SACM1L: variants seen among roughly 807,000 people sequenced by gnomAD.
The protein encoded by SACM1L is SAC1 like phosphatidylinositide phosphatase, also known as phosphatidylinositol-3-phosphatase SAC1.
A neutral mutation model predicts 89.5 loss-of-function variants in SACM1L; 32 were observed. That is an observed-to-expected ratio of 0.36 (90% confidence interval 0.27 to 0.48). The LOEUF is 0.48. SACM1L is among the 20% of genes least tolerant of loss of function. SACM1L has a pLI of 0.99. For missense variants in SACM1L, 543 were observed against 708.5 expected, an observed-to-expected ratio of 0.77 and a Z score of 2.65; for synonymous variants, 213 against 232.8, an observed-to-expected ratio of 0.92 and a Z score of 0.77.
At chr3:45,710,733 A>G (rs1249801325) in intron 5 of SACM1L, among the ~76,000 whole-genome samples, 2 of 152,078 alleles carry the variant, frequency 1.3e-5, no homozygotes, top group Non-Finnish European at 2.9e-5. Flanking sequence ...GACCAATAAA[A>G]ATGGTTATTT....
At chr3:45,691,746 C>T (rs1697997205) in intron 1 of SACM1L, among the ~76,000 whole-genome samples, 1 of 152,098 alleles carries the variant, frequency 6.6e-6, no homozygotes, top group Non-Finnish European at 1.5e-5. Flanking sequence ...TCTCGAGGAG[C>T]TAGGACTACA....
chr3:45,699,654 G>A (rs910012568), intron 1 of SACM1L, among the ~76,000 whole-genome samples: 5 of 151,750 alleles, frequency 3.3e-5, no homozygotes, highest in African/African-American at 9.7e-5. Flanking sequence ...TAGCCTTAGC[G>A]GGGATTACAG....
intron 1 of SACM1L, among the ~76,000 whole-genome samples, chr3:45,695,818 A>G (rs1048702589): frequency 3.3e-5 from 5 of 151,184 alleles, no homozygotes; most frequent in African/African-American, 1.2e-4. Flanking sequence ...CCATTAAACA[A>G]CTCCCCATTT....
chr3:45,705,136 C>A lies in SACM1L; in HGVS notation c.132C>A (p.Val44=). 1 of 1,593,924 alleles carries A rather than the reference C, an allele frequency of 6.3e-7. No individual in the cohort carries two copies. Among genetic ancestry groups the A allele is most frequent in the Non-Finnish European group, 8.6e-7 (1 of 1,166,430 alleles). The change falls in exon 3 of 20, where the codon GTC becomes GTA. Residue 44 remains valine (V), a splice_region_variant and synonymous_variant. Transcript: ENST00000389061. The stretch of plus-strand genomic sequence containing the variant: ...TTCTTTCTTTCCTTTCTTTTAAAGT[C>A]AAGAAAGATGTTCCTCCTTCAGCTG... ...DRVSTEVTLA[V]KKDVPPSAVT...
chr3:45,732,017 C>T (rs1553655291), intron 12 of SACM1L, 36 bp from the exon 13 acceptor site: 2 of 1,235,198 alleles, frequency 1.6e-6, no homozygotes, highest in Non-Finnish European at 2.3e-6. Flanking sequence ...AATGAATGAT[C>T]TCTGGTCGGT....
intron 1 of SACM1L, among the ~76,000 whole-genome samples, chr3:45,702,787 C>T (rs969164486): frequency 6.6e-6 from 1 of 151,972 alleles, no homozygotes; most frequent in Non-Finnish European, 1.5e-5. Context: ...CTCTCTCAAC[C>T]GTGTTTCTAC....
intron 3 of SACM1L, among the ~76,000 whole-genome samples, chr3:45,705,530 T>C (rs1698371178): frequency 1.3e-5 from 2 of 149,160 alleles, no homozygotes; most frequent in Admixed American, 6.7e-5. Flanking sequence ...GAGTTGGAGT[T>C]TTATTCTTGT....
In SACM1L at chr3:45,743,968, T is replaced by G. The variant is rs1699372024; in HGVS notation, c.*299T>G. 1 of 226,040 alleles carries G rather than the reference T, an allele frequency of 4.4e-6. No individual in the cohort carries two copies. Among genetic ancestry groups the G allele is most frequent in the Admixed American group, 5.4e-5 (1 of 18,512 alleles). 14.0% of individuals were successfully genotyped at this position (226,040 alleles called of 1,614,324 possible). ...CATTGTATTCTATTGATTGTCAATTTAATTAGCTGTTGCAGAATAAGTAAT... is the reference window on the plus strand; with the variant it reads ...CATTGTATTCTATTGATTGTCAATTGAATTAGCTGTTGCAGAATAAGTAAT... On this transcript the variant is annotated 3_prime_UTR_variant, in exon 20 of 20. Transcript: ENST00000389061.
chr3:45,713,413 A>G (rs1424169469), intron 6 of SACM1L: 1 of 375,420 alleles, frequency 2.7e-6, no homozygotes, highest in Non-Finnish European at 4.7e-6. Context: ...AGCCTTAAAT[A>G]AAAATACATT....
chr3:45,729,276 A>G (rs1186082610), intron 11 of SACM1L, among the ~76,000 whole-genome samples: 12 of 11,506 alleles, frequency 1.0e-3, no homozygotes, highest in Non-Finnish European at 3.4e-4. Context: ...TGGCAGAGAC[A>G]GGGTTTTCAT....
chr3:45,738,406 T>C (rs1201913417), intron 16 of SACM1L, among the ~76,000 whole-genome samples, 172 bp from the exon 17 acceptor site: 1 of 152,210 alleles, frequency 6.6e-6, no homozygotes, highest in Non-Finnish European at 1.5e-5. Context: ...AGAAAGAAAA[T>C]AGGTATTTCT....
At chr3:45,738,523 A>T in intron 16 of SACM1L, 55 bp from the exon 17 acceptor site, 2 of 1,023,676 alleles carry the variant, frequency 2.0e-6, no homozygotes, top group Non-Finnish European at 1.5e-6. Flanking sequence ...GCCATAAAAC[A>T]GTGTGAGAAT....
In SACM1L at chr3:45,740,661, C is replaced by G. The variant is rs1351724074; in HGVS notation, c.1627+1017C>G. ...GGAGAAAATATTATTTATCATCATA[C>G]CTTTGAGAGAGAAGCTAACCACTCT... is the stretch of plus-strand genomic sequence containing the variant. On this transcript the variant is annotated intron_variant, in intron 19 of 19. Transcript: ENST00000389061. Among the ~76,000 whole-genome samples, 2 of 152,126 alleles carry G rather than the reference C, an allele frequency of 1.3e-5. 1 individual carries two copies. The highest frequency in any genetic ancestry group is 1.3e-4 in the Admixed American group (2 of 15,280).
rs1699049318 is a variant in SACM1L at position 45,731,353 on chromosome 3, T to C, written c.974T>C (p.Val325Ala). 4 of 1,613,286 alleles carry C rather than the reference T, an allele frequency of 2.5e-6. No individual in the cohort carries two copies. The highest frequency in any genetic ancestry group is 3.3e-5 in the Admixed American group (2 of 59,930). Residue 325 changes from valine to alanine, a missense_variant, in exon 12 of 20, where the codon GTG becomes GCG. By Grantham distance (64) the Val-to-Ala change is moderately conservative. Coordinates refer to ENST00000389061, the MANE Select transcript of SACM1L (RefSeq NM_014016.5). ...CTTGAGCAGACATTTGCAACAATGG[T>C]GTCTTCCTTGGGAAGTGGAATGATG... ...KPLEQTFATM[V>A]SSLGSGMMRY...
chr3:45,709,114 C>G (rs1385362265), intron 4 of SACM1L, among the ~76,000 whole-genome samples: 1 of 152,170 alleles, frequency 6.6e-6, no homozygotes, highest in African/African-American at 2.4e-5. Flanking sequence ...TCGAAGATAG[C>G]TATGCTAACT....
intron 11 of SACM1L, among the ~76,000 whole-genome samples, chr3:45,726,878 T>TC (rs1698932541): frequency 5.4e-5 from 1 of 18,650 alleles, no homozygotes; most frequent in Admixed American, 4.3e-4. Flanking sequence ...TCTTTTTTTT[T>TC]TTTTTTTTTT....
Position 45,706,954 on chromosome 3 carries a change from A to G in SACM1L, c.333+47A>G, listed in dbSNP as rs766339993. Reference sequence around the variant, plus strand: ...TAATTGCAGCGCCCAAAGAAGTAGCATGGGCTGGGGAGAGGAGGGTGAGGG... The same window carrying G: ...TAATTGCAGCGCCCAAAGAAGTAGCGTGGGCTGGGGAGAGGAGGGTGAGGG... On this transcript the variant is annotated intron_variant, in intron 4 of 19. Coordinates refer to ENST00000389061, the MANE Select transcript of SACM1L (RefSeq NM_014016.5). The G allele has an allele frequency of 3.8e-6, 6 of 1,590,792 alleles. No homozygotes were observed. In the South Asian group the frequency reaches 4.4e-5, roughly 12 times the overall value.
chr3:45,695,699 A>G (rs907117637), intron 1 of SACM1L, among the ~76,000 whole-genome samples: 1 of 152,194 alleles, frequency 6.6e-6, no homozygotes, highest in Non-Finnish European at 1.5e-5. Context: ...TACCATCTCA[A>G]CCATTTTTAA....
At chr3:45,706,038 T>C (rs748143293) in intron 3 of SACM1L, among the ~76,000 whole-genome samples, 15 of 152,336 alleles carry the variant, frequency 9.8e-5, no homozygotes, top group Middle Eastern at 3.4e-3. Context: ...GTTCACAGTC[T>C]AGTGAGAGAG....
Sources: gnomAD v4.1 joint callset for allele counts (sites outside exome capture counted in the v4.1 genomes callset) on GRCh38, gnomAD v4.1.1 for gene constraint, MANE v1.5 for transcripts, NCBI Gene and HGNC (gene_info 2026-07-23, HGNC 2026-07-21) for gene names.